The following NEBL variants were observed in gnomAD, a reference collection of about 807,000 sequenced individuals.
The protein encoded by NEBL is LIM and SH3 protein 2.
A neutral mutation model predicts 140.2 loss-of-function variants in NEBL; 122 were observed. That is an observed-to-expected ratio of 0.87 (90% CI 0.75 to 1.01). The LOEUF is 1.01. Among genes scored for constraint, NEBL ranks in the 50% least tolerant of loss-of-function variants. NEBL has a pLI of 0.00. For synonymous variants in NEBL, 436 were observed against 398.9 expected (o/e 1.09, Z -1.11); for missense variants, 1,365 against 1,231.3 (o/e 1.11, Z -1.62).
chr10:20,895,401 G>T (rs1847391252), intron 2 of NEBL, among the ~76,000 whole-genome samples: 2 of 152,112 alleles, frequency 1.3e-5, no homozygotes, highest in South Asian at 4.1e-4. Flanking sequence ...AAAGAGGGAG[G>T]CCTCTGTGTT....
intron 2 of NEBL, among the ~76,000 whole-genome samples, chr10:21,081,342 G>A (rs1448407750): frequency 6.6e-6 from 1 of 152,154 alleles, no homozygotes; most frequent in Admixed American, 6.5e-5. Context: ...GGGAAGCAGG[G>A]GAAAGGCAGT....
chr10:21,109,946 A>G (rs958923894), intron 2 of NEBL, among the ~76,000 whole-genome samples: 2 of 152,150 alleles, frequency 1.3e-5, no homozygotes, highest in African/African-American at 4.8e-5. Flanking sequence ...AGTCTTTTCA[A>G]AAAACCAGCT....
intron 2 of NEBL, among the ~76,000 whole-genome samples, chr10:21,102,756 A>G (rs1352353262): frequency 1.3e-5 from 2 of 152,236 alleles, no homozygotes; most frequent in African/African-American, 4.8e-5. Context: ...GCTATCAGAA[A>G]TAAAGCTGCT....
chr10:21,063,328 C>T (rs1377456680), intron 2 of NEBL, among the ~76,000 whole-genome samples: 5 of 152,168 alleles, frequency 3.3e-5, no homozygotes, highest in Non-Finnish European at 7.4e-5. Flanking sequence ...ACATGGGCTG[C>T]ATCTTCTGCC....
At chr10:20,976,662 T>C (rs1284046666) in intron 3 of NEBL, among the ~76,000 whole-genome samples, 1 of 152,052 alleles carries the variant, frequency 6.6e-6, no homozygotes, top group Non-Finnish European at 1.5e-5. Flanking sequence ...AGCAAATTAA[T>C]GTAGAAACAG....
Position 21,191,123 on chromosome 10 carries a change from C to T in NEBL, n.349-18646G>A, listed in dbSNP as rs139687197. On this transcript the variant is annotated intron_variant and non_coding_transcript_variant, in intron 3 of 8. Coordinates refer to the NEBL transcript ENST00000675702. ...CATATACAATATGTTCTGTGTTGGG[C>T]TTAGGAGCATCCACAGGTGTTCTTA... Among the ~76,000 whole-genome samples the T allele has an allele frequency of 5.3e-4, 81 of 152,288 alleles. 1 individual carries two copies. The East Asian group carries it at 0.01, about 19-fold the overall frequency.
intron 3 of NEBL, among the ~76,000 whole-genome samples, chr10:21,222,471 T>C (rs1335652074): frequency 6.6e-6 from 1 of 152,238 alleles, no homozygotes; most frequent in African/African-American, 2.4e-5. Context: ...GGTGTTATTG[T>C]TGCTGATGGT....
chr10:21,044,256 G>A (rs1019605855), intron 2 of NEBL, among the ~76,000 whole-genome samples: 62 of 152,068 alleles, frequency 4.1e-4, no homozygotes, highest in African/African-American at 1.4e-3. Flanking sequence ...AATTAGCTGG[G>A]CGTGGTGGTG....
intron 3 of NEBL, chr10:21,020,015 T>C (rs1468879469): frequency 4.8e-6 from 5 of 1,034,930 alleles, no homozygotes; most frequent in Non-Finnish European, 7.6e-6. Context: ...CCACACCGGC[T>C]GGTGACCCAG....
At chr10:21,078,594 C>T (rs1177475798) in intron 2 of NEBL, among the ~76,000 whole-genome samples, 2 of 152,146 alleles carry the variant, frequency 1.3e-5, no homozygotes, top group Non-Finnish European at 2.9e-5. Context: ...GACCTGTATA[C>T]ACGTATGCAG....
chr10:21,035,137 G>T (rs1833962907), intron 2 of NEBL, among the ~76,000 whole-genome samples: 1 of 151,890 alleles, frequency 6.6e-6, no homozygotes, highest in East Asian at 1.9e-4. Context: ...TAGCTGGATT[G>T]CAGGCGCCTG....
intron 3 of NEBL, among the ~76,000 whole-genome samples, chr10:21,206,711 G>A (rs985651667): frequency 3.3e-5 from 5 of 152,186 alleles, no homozygotes; most frequent in African/African-American, 1.2e-4. Flanking sequence ...GAGTTTGGGA[G>A]TGGGCTGAAG....
At chr10:20,967,497 ACACCCCTG>A (rs1487915459) in intron 3 of NEBL, among the ~76,000 whole-genome samples, 2 of 152,068 alleles carry the variant, frequency 1.3e-5, no homozygotes, top group Non-Finnish European at 1.5e-5. Flanking sequence ...GTGTGATGGT[ACACCCCTG>A]TAGTCCCAGC....
chr10:21,063,499 AC>A (rs1051377255), intron 2 of NEBL, among the ~76,000 whole-genome samples: 2 of 152,264 alleles, frequency 1.3e-5, no homozygotes, highest in African/African-American at 4.8e-5. Flanking sequence ...ATCCATGGAA[AC>A]ATGACAGAAA....
At chr10:21,045,312 A>G (rs543657268) in intron 2 of NEBL, among the ~76,000 whole-genome samples, 2 of 152,264 alleles carry the variant, frequency 1.3e-5, no homozygotes, top group South Asian at 4.1e-4. Context: ...AATTTAATTT[A>G]CACATTTAAA....
chr10:20,981,412 AAC>A (rs200763746), intron 3 of NEBL, among the ~76,000 whole-genome samples: 10 of 144,782 alleles, frequency 6.9e-5, no homozygotes, highest in South Asian at 4.2e-4. Context: ...TCATAAAAAA[AAC>A]ACACACAAAA....
chr10:21,285,258 A>T (rs1843041150), intron 1 of NEBL, among the ~76,000 whole-genome samples: 1 of 152,194 alleles, frequency 6.6e-6, no homozygotes, highest in Admixed American at 6.5e-5. Flanking sequence ...TGGGGCCCCA[A>T]ATCACTAAGC....
chr10:21,226,937 C>A (rs1423983812), intron 3 of NEBL, among the ~76,000 whole-genome samples: 1 of 152,108 alleles, frequency 6.6e-6, no homozygotes, highest in African/African-American at 2.4e-5. Flanking sequence ...TTCAAATCAG[C>A]CATCTTGTCC....
At chr10:21,179,859 T>G (rs964810669), upstream of NEBL, among the ~76,000 whole-genome samples, 5 of 151,956 alleles carry the variant, frequency 3.3e-5, no homozygotes, top group African/African-American at 1.2e-4. Flanking sequence ...GCAAGGAGGC[T>G]GGGAGGGATG....
Sources: allele counts gnomAD v4.1 joint callset (sites outside exome capture counted in the v4.1 genomes callset), GRCh38; gene constraint gnomAD v4.1.1; transcripts MANE v1.5; gene names NCBI Gene and HGNC (gene_info 2026-07-23, HGNC 2026-07-21).